SAMD12: variants seen among roughly 807,000 people sequenced by gnomAD.
SAMD12 encodes the protein sterile alpha motif domain containing 12, also known as sterile alpha motif domain-containing protein 12.
Under a neutral mutation model 15.0 loss-of-function variants are expected in SAMD12, and 9 were observed. The ratio of observed to expected loss-of-function variants is 0.60; its 90% CI spans 0.36 to 1.05. The LOEUF (loss-of-function observed/expected upper bound fraction) is 1.05, where lower values mean the gene tolerates loss of function less well. Ranked by LOEUF, SAMD12 falls within the 50% of genes least tolerant of loss-of-function variation. The probability of loss-of-function intolerance (pLI) is 0.01; values close to 1 mark genes in which losing one functional copy is unlikely to be tolerated. For missense variants in SAMD12, 230 were observed against 234.2 expected (o/e 0.98, Z 0.12); for synonymous variants, 86 against 90.1 (o/e 0.96, Z 0.25).
intron 4 of SAMD12, among the ~76,000 whole-genome samples, chr8:118,259,891 A>C (rs1162269716): frequency 6.6e-6 from 1 of 152,132 alleles, no homozygotes; most frequent in Non-Finnish European, 1.5e-5. Flanking sequence ...AGTACATTTC[A>C]AGTTTAATGT....
At chr8:118,160,259 T>C in the SAMD12 span, among the ~76,000 whole-genome samples, 1 of 152,220 alleles carries the variant, frequency 6.6e-6, no homozygotes, top group Non-Finnish European at 1.5e-5. Flanking sequence ...AATGGAGAGA[T>C]AGATATACTA....
At chr8:118,155,934 T>C in the SAMD12 span, among the ~76,000 whole-genome samples, 8 of 152,254 alleles carry the variant, frequency 5.3e-5, no homozygotes, top group Non-Finnish European at 7.3e-5. Flanking sequence ...GTCACAGGCA[T>C]AGAAGTAAAT....
At chr8:118,579,206 CT>C (rs1827223360) in intron 2 of SAMD12, among the ~76,000 whole-genome samples, 1 of 94,258 alleles carries the variant, frequency 1.1e-5, no homozygotes, top group Non-Finnish European at 2.2e-5. Context: ...TAACTTTTCT[CT>C]CTACTCTAAT....
intron 4 of SAMD12, among the ~76,000 whole-genome samples, chr8:118,337,940 A>G (rs1817164896): frequency 6.6e-6 from 1 of 152,232 alleles, no homozygotes; most frequent in African/African-American, 2.4e-5. Flanking sequence ...AATTGTGAAG[A>G]AACAAAAAGA....
chr8:118,399,162 G>A (rs1262101784), intron 3 of SAMD12, among the ~76,000 whole-genome samples: 1 of 151,460 alleles, frequency 6.6e-6, no homozygotes, highest in Non-Finnish European at 1.5e-5. Flanking sequence ...GGGATTACAG[G>A]TGTGAGCCAT....
intron 3 of SAMD12, among the ~76,000 whole-genome samples, chr8:118,407,689 T>G (rs1821201781): frequency 6.6e-6 from 1 of 152,182 alleles, no homozygotes; most frequent in Non-Finnish European, 1.5e-5. Flanking sequence ...CAGGTGATTT[T>G]TGGTGACAGT....
Position 118,379,615 on chromosome 8 carries a change from C to T in SAMD12, c.408G>A (p.Gln136=). 2 of 1,613,942 alleles carry T rather than the reference C, an allele frequency of 1.2e-6. No individual in the cohort carries two copies. Among genetic ancestry groups the T allele is most frequent in the Non-Finnish European group, 1.7e-6 (2 of 1,179,900 alleles). Reference sequence around the variant, plus strand: ...CTTCTCGCACCTTCAGCTGGAGCACCTGTTGTAAGATGTGCTGCCGGAGGT... The same window carrying T: ...CTTCTCGCACCTTCAGCTGGAGCACTTGTTGTAAGATGTGCTGCCGGAGGT... The part of the protein sequence containing the change: ...QENLRQHILQ[Q]VLQLKVREEV... Residue 136 remains glutamine, a synonymous_variant, in exon 4 of 4, where the codon CAG becomes CAA. Transcript: ENST00000314727.
chr8:118,239,349 G>T (rs1403611961), intron 4 of SAMD12, among the ~76,000 whole-genome samples: 2 of 152,066 alleles, frequency 1.3e-5, no homozygotes, highest in African/African-American at 4.8e-5. Flanking sequence ...TCTAATGAAC[G>T]ATAAGATTTT....
At chr8:118,258,516 C>T (rs1813005087) in intron 4 of SAMD12, among the ~76,000 whole-genome samples, 1 of 152,096 alleles carries the variant, frequency 6.6e-6, no homozygotes, top group African/African-American at 2.4e-5. Context: ...GGTGCTAATA[C>T]ACTGAATTTT....
chr8:118,515,477 C>G (rs1053224853), intron 2 of SAMD12, among the ~76,000 whole-genome samples: 2 of 151,926 alleles, frequency 1.3e-5, no homozygotes, highest in African/African-American at 4.8e-5. Flanking sequence ...TATAAATTAC[C>G]CAGTTTCAGG....
At chr8:118,468,656 A>G (rs764429573) in intron 2 of SAMD12, among the ~76,000 whole-genome samples, 3 of 152,024 alleles carry the variant, frequency 2.0e-5, no homozygotes, top group African/African-American at 4.8e-5. Flanking sequence ...AATGAGTTCA[A>G]TTGAAATGTG....
Position 118,221,798 on chromosome 8 carries a change from C to T in SAMD12, c.434-24066G>A, listed in dbSNP as rs114275707. Among the ~76,000 whole-genome samples, 503 of 152,300 alleles carry T rather than the reference C, an allele frequency of 3.3e-3. 2 individuals carry two copies. The highest frequency in any genetic ancestry group is 0.011 in the African/African-American group (442 of 41,558). The stretch of plus-strand genomic sequence containing the variant: ...GTAGGGGATTATATGGCTTGCCTTG[C>T]GGCAATTGTCAGAGTTGCCGTTTTT... On this transcript the variant is annotated intron_variant, in intron 4 of 4. Coordinates refer to the SAMD12 transcript ENST00000409003.
At chr8:118,276,526 T>C (rs1813478826) in intron 4 of SAMD12, among the ~76,000 whole-genome samples, 1 of 152,214 alleles carries the variant, frequency 6.6e-6, no homozygotes, top group Non-Finnish European at 1.5e-5. Flanking sequence ...TTTGTCTGAT[T>C]GTGGATATGT....
intron 3 of SAMD12, among the ~76,000 whole-genome samples, chr8:118,409,780 T>C (rs916934684): frequency 3.3e-5 from 5 of 151,856 alleles, no homozygotes; most frequent in Non-Finnish European, 7.4e-5. Flanking sequence ...AAAGTTAAAA[T>C]AGTTCTTGAA....
chr8:118,165,629 T>TACACATATAAAC, the SAMD12 span, among the ~76,000 whole-genome samples: 1 of 129,712 alleles, frequency 7.7e-6, no homozygotes, highest in African/African-American at 3.1e-5. Context: ...TATATATATA[T>TACACATATAAAC]ATATATACAT....
At chr8:118,319,171 T>C (rs1328657862) in intron 4 of SAMD12, among the ~76,000 whole-genome samples, 1 of 152,148 alleles carries the variant, frequency 6.6e-6, no homozygotes, top group Non-Finnish European at 1.5e-5. Context: ...CATAAACTTG[T>C]ACAAGGGCAC....
intron 4 of SAMD12, among the ~76,000 whole-genome samples, chr8:118,361,788 C>T (rs911567757): frequency 6.6e-6 from 1 of 152,062 alleles, no homozygotes; most frequent in Non-Finnish European, 1.5e-5. Context: ...TTATATAGTA[C>T]TTATACAGGG....
intron 1 of SAMD12, among the ~76,000 whole-genome samples, chr8:118,593,489 G>T (rs989560035): frequency 4.6e-5 from 7 of 152,162 alleles, no homozygotes; most frequent in Admixed American, 6.5e-5. Flanking sequence ...GGAGCCAGTG[G>T]TCACTATTTT....
At chr8:118,275,731 C>G (rs1813459663) in intron 4 of SAMD12, among the ~76,000 whole-genome samples, 1 of 152,120 alleles carries the variant, frequency 6.6e-6, no homozygotes, top group Admixed American at 6.6e-5. Context: ...CTCTAGTAAT[C>G]CCCAATGTCC....
Sources: gnomAD v4.1 joint callset for allele counts (sites outside exome capture counted in the v4.1 genomes callset) on GRCh38, gnomAD v4.1.1 for gene constraint, MANE v1.5 for transcripts, NCBI Gene and HGNC (gene_info 2026-07-23, HGNC 2026-07-21) for gene names.